The following TMEM117 variants were observed in gnomAD, a reference collection of about 807,000 sequenced individuals.
TMEM117 encodes transmembrane protein 117.
Under a neutral mutation model 52.4 loss-of-function variants are expected in TMEM117, and 27 were observed. That is an observed-to-expected ratio of 0.51 (90% CI 0.38 to 0.71). TMEM117 has a LOEUF of 0.71. Among genes scored for constraint, TMEM117 ranks in the 30% least tolerant of loss-of-function variants. The pLI, the probability that TMEM117 is intolerant of heterozygous loss-of-function variation, is 0.00. For missense variants in TMEM117, 556 were observed against 630.5 expected (o/e 0.88, Z 1.26); for synonymous variants, 215 against 206.3 (o/e 1.04, Z -0.36).
chr12:44,213,552 T>C (rs1326492152), intron 5 of TMEM117, among the ~76,000 whole-genome samples: 3 of 152,212 alleles, frequency 2.0e-5, no homozygotes, highest in African/African-American at 7.2e-5. Context: ...TCTCACTCTA[T>C]GTCCCCACCC....
intron 2 of TMEM117, among the ~76,000 whole-genome samples, chr12:43,885,716 T>G (rs1018182996): frequency 6.6e-6 from 1 of 152,146 alleles, no homozygotes; most frequent in East Asian, 1.9e-4. Flanking sequence ...GAGACAAATA[T>G]GTATACAATA....
the TMEM117 span, among the ~76,000 whole-genome samples, chr12:43,814,588 C>T: frequency 2.6e-5 from 4 of 152,092 alleles, no homozygotes; most frequent in Non-Finnish European, 2.9e-5. Flanking sequence ...TAATTCACCA[C>T]GAGGAGCTCA....
the TMEM117 span, among the ~76,000 whole-genome samples, chr12:43,810,403 A>G: frequency 6.6e-6 from 1 of 152,216 alleles, no homozygotes. Flanking sequence ...TAGCATGTAC[A>G]GGAGATATTA....
chr12:44,076,682 C>A (rs1947387939), intron 3 of TMEM117, among the ~76,000 whole-genome samples: 2 of 152,150 alleles, frequency 1.3e-5, no homozygotes, highest in South Asian at 4.1e-4. Context: ...TCAGTGTCCA[C>A]AGCAATATGG....
chr12:43,974,819 A>AT (rs1163533558), intron 3 of TMEM117, among the ~76,000 whole-genome samples: 1 of 152,174 alleles, frequency 6.6e-6, no homozygotes, highest in Non-Finnish European at 1.5e-5. Context: ...TAATATTGAC[A>AT]TATCTGTTAA....
At chr12:44,147,706 G>T (rs1380803591) in intron 4 of TMEM117, among the ~76,000 whole-genome samples, 1 of 152,000 alleles carries the variant, frequency 6.6e-6, no homozygotes, top group South Asian at 2.1e-4. Context: ...AGGCTGAGAC[G>T]GGTGGATCAC....
intron 2 of TMEM117, among the ~76,000 whole-genome samples, chr12:43,933,224 C>CG (rs1944899529): frequency 6.8e-6 from 1 of 146,912 alleles, no homozygotes; most frequent in Admixed American, 6.8e-5. Flanking sequence ...TTTTTCGAGA[C>CG]GGAGTCTTAC....
chr12:44,101,811 T>G (rs1176034230), intron 3 of TMEM117, among the ~76,000 whole-genome samples: 2 of 152,028 alleles, frequency 1.3e-5, no homozygotes, highest in African/African-American at 4.8e-5. Context: ...CTGTCCTCCT[T>G]TCTCTGTCTA....
At chr12:44,322,317 AC>A (rs1951142027) in intron 6 of TMEM117, among the ~76,000 whole-genome samples, 1 of 152,124 alleles carries the variant, frequency 6.6e-6, no homozygotes, top group Non-Finnish European at 1.5e-5. Context: ...TTCTGACCTA[AC>A]GAGGCAAAAA....
Position 44,359,973 on chromosome 12 carries a change from A to C in TMEM117, c.769-16622A>C, listed in dbSNP as rs913223332. On this transcript the variant is annotated intron_variant, in intron 6 of 7. Transcript: ENST00000266534. ...TCTTTGGTAGTATGAAACCAGATTA[A>C]AAATAAAAAGTTGAATCTCAAAGAA... Among the ~76,000 whole-genome samples the C allele has an allele frequency of 3.3e-5, 5 of 152,164 alleles. No homozygotes were observed. The South Asian group carries it at 8.3e-4, about 25-fold the overall frequency.
intron 4 of TMEM117, among the ~76,000 whole-genome samples, chr12:44,173,952 G>A (rs1949083856): frequency 6.6e-6 from 1 of 152,040 alleles, no homozygotes; most frequent in African/African-American, 2.4e-5. Context: ...AATGGTTAAT[G>A]TCTAAGAAAG....
At chr12:44,009,768 G>A (rs868709394) in intron 3 of TMEM117, 72 of 265,412 alleles carry the variant, frequency 2.7e-4, no homozygotes, top group Middle Eastern at 1.2e-3. Context: ...CTCTGCAAGC[G>A]TTTCACCAAG....
intron 2 of TMEM117, among the ~76,000 whole-genome samples, chr12:43,890,903 T>C (rs1425721965): frequency 1.3e-5 from 2 of 152,194 alleles, no homozygotes; most frequent in African/African-American, 2.4e-5. Flanking sequence ...TGTCATGTTA[T>C]ATATATTCTA....
chr12:43,820,134 T>G, the TMEM117 span, among the ~76,000 whole-genome samples: 7 of 151,332 alleles, frequency 4.6e-5, no homozygotes, highest in Non-Finnish European at 1.0e-4. Context: ...TTTGTTTTTG[T>G]TTTTGCCAAG....
chr12:43,980,632 T>C (rs913203524), intron 3 of TMEM117, among the ~76,000 whole-genome samples: 3 of 151,862 alleles, frequency 2.0e-5, no homozygotes, highest in Non-Finnish European at 4.4e-5. Flanking sequence ...CTGTGCAGTC[T>C]CTTCACTTCC....
At chr12:44,155,366 A>T (rs1463714441) in intron 4 of TMEM117, among the ~76,000 whole-genome samples, 1 of 152,088 alleles carries the variant, frequency 6.6e-6, no homozygotes, top group Non-Finnish European at 1.5e-5. Flanking sequence ...TTTGAAGTTA[A>T]CTTTCTCTTA....
intron 3 of TMEM117, among the ~76,000 whole-genome samples, chr12:43,993,721 G>T (rs921631984): frequency 6.6e-6 from 1 of 152,002 alleles, no homozygotes; most frequent in South Asian, 2.1e-4. Flanking sequence ...TTGAGACAGG[G>T]TCTCACTCTT....
chr12:44,218,219 G>A (rs895933445), intron 5 of TMEM117, among the ~76,000 whole-genome samples: 7 of 145,170 alleles, frequency 4.8e-5, no homozygotes, highest in Non-Finnish European at 4.4e-5. Context: ...GTAAGGCTCC[G>A]TCAAAAAAAA....
chr12:44,201,909 T>A (rs1949500419), intron 4 of TMEM117, among the ~76,000 whole-genome samples: 1 of 152,096 alleles, frequency 6.6e-6, no homozygotes, highest in Non-Finnish European at 1.5e-5. Flanking sequence ...AAGTAAAATA[T>A]TTTTATTTTC....
Sources: gnomAD v4.1 joint callset for allele counts (sites outside exome capture counted in the v4.1 genomes callset) on GRCh38, gnomAD v4.1.1 for gene constraint, MANE v1.5 for transcripts, NCBI Gene and HGNC (gene_info 2026-07-23, HGNC 2026-07-21) for gene names.